The following GLRA2 variants were observed in gnomAD, a reference collection of about 807,000 sequenced individuals.
GLRA2 encodes glycine receptor subunit alpha-2.
Under a neutral mutation model 31.6 loss-of-function variants are expected in GLRA2, and 11 were observed. The observed-to-expected ratio is 0.35, with a 90% CI of 0.22 to 0.58. GLRA2 has a LOEUF of 0.58. Ranked by LOEUF, GLRA2 falls within the 20% of genes least tolerant of loss-of-function variation. The probability of loss-of-function intolerance (pLI) is 0.84; values close to 1 mark genes in which losing one functional copy is unlikely to be tolerated. For missense variants in GLRA2, 212 were observed against 351.8 expected (o/e 0.60, Z 3.18); for synonymous variants, 132 against 134.0 (o/e 0.99, Z 0.10).
chrX:14,541,768 A>G lies in GLRA2; in HGVS notation c.202+9396A>G, dbSNP rs1422154613. On this transcript the variant is annotated intron_variant, in intron 2 of 8. Transcript: ENST00000218075. ...TAGATTATGTGATTCAGGAAAATTT[A>G]TAAATATAATGTACGGTGCTGACAA... is the stretch of plus-strand genomic sequence containing the variant. Among the ~76,000 whole-genome samples the G allele has an allele frequency of 5.4e-5, 6 of 111,870 alleles. 1 individual carries two copies. Among genetic ancestry groups the G allele is most frequent in the Admixed American group, 2.9e-4 (3 of 10,494 alleles).
At chrX:14,638,515 A>T (rs994384681) in intron 7 of GLRA2, among the ~76,000 whole-genome samples, 3 of 111,128 alleles carry the variant, frequency 2.7e-5, no homozygotes, top group African/African-American at 9.8e-5. Context: ...TTATCCTTCC[A>T]TAAACCAATG....
chrX:14,483,962 G>A, the GLRA2 span, among the ~76,000 whole-genome samples: 4 of 111,260 alleles, frequency 3.6e-5, no homozygotes, highest in Non-Finnish European at 7.5e-5. Context: ...CCCATGCTGG[G>A]TGCTTCCTGC....
the GLRA2 span, among the ~76,000 whole-genome samples, chrX:14,482,629 A>T: frequency 1.1e-4 from 12 of 111,489 alleles, no homozygotes; most frequent in Admixed American, 4.8e-4. Context: ...TCTAATTACC[A>T]ATATTATATT....
intron 2 of GLRA2, among the ~76,000 whole-genome samples, chrX:14,549,127 G>A (rs1157373016): frequency 1.8e-5 from 2 of 112,011 alleles, no homozygotes; most frequent in Non-Finnish European, 3.8e-5. Flanking sequence ...TTATAAAAGA[G>A]GAGGTACTTG....
the GLRA2 span, among the ~76,000 whole-genome samples, chrX:14,465,931 C>A: frequency 2.7e-5 from 3 of 111,986 alleles, no homozygotes; most frequent in Non-Finnish European, 5.6e-5. Flanking sequence ...CCCTAACCAA[C>A]CCATGAACAC....
chrX:14,666,690 C>T (rs1360958553), intron 7 of GLRA2, among the ~76,000 whole-genome samples: 1 of 112,007 alleles, frequency 8.9e-6, no homozygotes, highest in Non-Finnish European at 1.9e-5. Flanking sequence ...GTACCAGGCC[C>T]AGTTCTAAAG....
At chrX:14,585,045 AAATGCCCTG>A (rs2090065140) in intron 4 of GLRA2, among the ~76,000 whole-genome samples, 1 of 111,396 alleles carries the variant, frequency 9.0e-6, no homozygotes, top group Non-Finnish European at 1.9e-5. Context: ...ACAGGCCCTG[AAATGCCCTG>A]ACAACTGTTT....
the GLRA2 span, among the ~76,000 whole-genome samples, chrX:14,470,122 A>C: frequency 2.7e-5 from 3 of 111,782 alleles, no homozygotes; most frequent in Non-Finnish European, 5.7e-5. Context: ...TCTTCCATTT[A>C]GCAGGTTTCA....
In GLRA2 at chrX:14,578,632, GTTTTC is replaced by G. The variant is rs778229132; in HGVS notation, c.271-2546_271-2542del. Among the ~76,000 whole-genome samples the G allele has an allele frequency of 5.4e-5, 6 of 111,485 alleles. 1 individual carries two copies. The highest frequency in any genetic ancestry group is 5.6e-4 in the East Asian group (2 of 3,563). Reference sequence around the variant, plus strand: ...TCTGTTTTTGAAATGTGAGTTTACCGTTTTCTTTTATTTTTCTCTTTTCTTTAGTT... The same window carrying G: ...TCTGTTTTTGAAATGTGAGTTTACCGTTTTATTTTTCTCTTTTCTTTAGTT... On this transcript the variant is annotated intron_variant, in intron 3 of 8. Transcript: ENST00000218075.
At chrX:14,652,686 A>G (rs189518859) in intron 7 of GLRA2, among the ~76,000 whole-genome samples, 31 of 111,122 alleles carry the variant, frequency 2.8e-4, no homozygotes, top group Admixed American at 2.5e-3. Flanking sequence ...TAATTGATCA[A>G]TGTTGTGTGT....
chrX:14,685,790 G>A (rs776450102), intron 7 of GLRA2, among the ~76,000 whole-genome samples: 1 of 111,358 alleles, frequency 9.0e-6, no homozygotes, highest in South Asian at 3.8e-4. Context: ...TTTTTTGAAG[G>A]GTTTTTTGTG....
chrX:14,500,219 C>T, the GLRA2 span, among the ~76,000 whole-genome samples: 1 of 112,045 alleles, frequency 8.9e-6, no homozygotes, highest in Non-Finnish European at 1.9e-5. Context: ...CATGCTGTCT[C>T]TCTTTTTTTC....
intron 2 of GLRA2, among the ~76,000 whole-genome samples, chrX:14,553,090 C>A (rs2089588700): frequency 9.0e-6 from 1 of 111,569 alleles, no homozygotes; most frequent in African/African-American, 3.3e-5. Flanking sequence ...GGAGGGACAA[C>A]CGTATTCGGC....
the GLRA2 span, among the ~76,000 whole-genome samples, chrX:14,503,994 G>A: frequency 9.0e-6 from 1 of 111,692 alleles, no homozygotes; most frequent in Non-Finnish European, 1.9e-5. Context: ...AAAATATGCT[G>A]TAAGCTACAA....
chrX:14,514,426 G>A, the GLRA2 span, among the ~76,000 whole-genome samples: 1 of 110,512 alleles, frequency 9.0e-6, no homozygotes, highest in Non-Finnish European at 1.9e-5. Context: ...TTTAAAAAAA[G>A]AAAAGAGAAA....
chrX:14,449,354 TCA>T, the GLRA2 span, among the ~76,000 whole-genome samples: 2 of 112,115 alleles, frequency 1.8e-5, no homozygotes, highest in Non-Finnish European at 3.8e-5. Context: ...ATCCCATGAC[TCA>T]CATAGACATT....
chrX:14,716,070 G>A (rs1237688813), intron 8 of GLRA2, among the ~76,000 whole-genome samples: 3 of 111,293 alleles, frequency 2.7e-5, no homozygotes, highest in Non-Finnish European at 5.7e-5. Context: ...GCATACTCAC[G>A]AAGCTGACCC....
intron 2 of GLRA2, among the ~76,000 whole-genome samples, chrX:14,541,886 T>G (rs2089409551): frequency 1.8e-5 from 2 of 111,328 alleles, no homozygotes; most frequent in South Asian, 7.5e-4. Flanking sequence ...ATTTAGGATT[T>G]AATACTAAAA....
At chrX:14,454,482 C>CA in the GLRA2 span, among the ~76,000 whole-genome samples, 1 of 109,884 alleles carries the variant, frequency 9.1e-6, no homozygotes, top group African/African-American at 3.3e-5. Context: ...TTGGATTGTA[C>CA]AACCTTTCAG....
Sources: allele counts gnomAD v4.1 joint callset (sites outside exome capture counted in the v4.1 genomes callset), GRCh38; gene constraint gnomAD v4.1.1; transcripts MANE v1.5; gene names NCBI Gene and HGNC (gene_info 2026-07-23, HGNC 2026-07-21).